Variants in XYLB observed in about 807,000 individuals in gnomAD.
XYLB encodes xylulose kinase.
XYLB carries 62 observed loss-of-function variants against 78.7 expected under a neutral mutation model. The ratio of observed to expected loss-of-function variants is 0.79; its 90% confidence interval spans 0.64 to 0.97. The LOEUF (loss-of-function observed/expected upper bound fraction) is 0.97, where lower values mean the gene tolerates loss of function less well. XYLB is among the 50% of genes least tolerant of loss of function. The probability of loss-of-function intolerance (pLI) is 0.00; values close to 1 mark genes in which losing one functional copy is unlikely to be tolerated. For missense variants in XYLB, 687 were observed against 676.8 expected (o/e 1.02, Z -0.17); for synonymous variants, 245 against 247.4 (o/e 0.99, Z 0.09).
At chr3:38,387,928 T>A (rs1203115294) in intron 15 of XYLB, among the ~76,000 whole-genome samples, 1 of 152,138 alleles carries the variant, frequency 6.6e-6, no homozygotes, top group Non-Finnish European at 1.5e-5. Context: ...CATCTCAGAG[T>A]CTGCTTTTAT....
chr3:38,397,559 C>G (rs1707927933), intron 17 of XYLB, among the ~76,000 whole-genome samples: 1 of 152,104 alleles, frequency 6.6e-6, no homozygotes, highest in Admixed American at 6.5e-5. Context: ...GCTTCAGGCC[C>G]AAGCAGTCCA....
At chr3:38,389,260 G>GGTA in intron 15 of XYLB, among the ~76,000 whole-genome samples, 1 of 146,194 alleles carries the variant, frequency 6.8e-6, no homozygotes, top group Middle Eastern at 3.4e-3. Flanking sequence ...CAGGGTTGGG[G>GGTA]GTAAGGTCAT....
At position 38,376,250 on chromosome 3, in the gene XYLB, GC is replaced by G; in HGVS notation, c.1120+21del. ...AAACCTGGGTAGGCCAGTTGGTGGTGCCCAGGCCTGTGAAGGGTCAGCAGCT... is the reference window on the plus strand; with the variant it reads ...AAACCTGGGTAGGCCAGTTGGTGGTGCCAGGCCTGTGAAGGGTCAGCAGCT... On this transcript the variant is annotated intron_variant, in intron 13 of 18. Transcript: ENST00000207870. The G allele has an allele frequency of 6.4e-7, 1 of 1,564,478 alleles. No individual in the cohort carries two copies. The highest frequency in any genetic ancestry group is 8.8e-7 in the Non-Finnish European group (1 of 1,134,968).
intron 2 of XYLB, among the ~76,000 whole-genome samples, chr3:38,359,377 A>G (rs1210167056): frequency 6.6e-6 from 1 of 152,254 alleles, no homozygotes; most frequent in African/African-American, 2.4e-5. Flanking sequence ...TGTCATAGCC[A>G]TCGGGAACAT....
the XYLB span, among the ~76,000 whole-genome samples, chr3:38,432,400 C>T: frequency 6.6e-6 from 1 of 152,192 alleles, no homozygotes; most frequent in East Asian, 1.9e-4. Context: ...AATCCCATCT[C>T]TACTAAAAAT....
At chr3:38,388,176 T>TTTG (rs1707475745) in intron 15 of XYLB, among the ~76,000 whole-genome samples, 1 of 141,296 alleles carries the variant, frequency 7.1e-6, no homozygotes, top group Admixed American at 7.1e-5. Flanking sequence ...TTTGTTTTTT[T>TTTG]TTTTTTTTTT....
the XYLB span, among the ~76,000 whole-genome samples, chr3:38,428,789 C>G: frequency 6.6e-6 from 1 of 152,142 alleles, no homozygotes; most frequent in Admixed American, 6.5e-5. Flanking sequence ...CCACATCTTA[C>G]TATTTGTTTT....
At chr3:38,352,582 G>C (rs370512943) in intron 2 of XYLB, among the ~76,000 whole-genome samples, 1 of 152,308 alleles carries the variant, frequency 6.6e-6, no homozygotes, top group African/African-American at 2.4e-5. Context: ...TGAAGCGGGT[G>C]GATTGCTTGA....
chr3:38,374,640 T>G, intron 11 of XYLB, 138 bp downstream of exon 11: 1 of 1,022,600 alleles, frequency 9.8e-7, no homozygotes, highest in Non-Finnish European at 1.5e-6. Context: ...CTGCTACTTA[T>G]CAGAGTGTCT....
downstream of XYLB, among the ~76,000 whole-genome samples, chr3:38,417,984 G>T (rs1708853559): frequency 1.3e-5 from 2 of 151,516 alleles, no homozygotes; most frequent in Admixed American, 1.3e-4. Context: ...CTGAGGTCAG[G>T]AGTTCAAGAT....
chr3:38,418,574 C>T (rs569773087), downstream of XYLB, among the ~76,000 whole-genome samples: 1 of 152,200 alleles, frequency 6.6e-6, no homozygotes, highest in Admixed American at 6.5e-5. Context: ...TAATATACGA[C>T]AGATTGAATA....
chr3:38,439,547 G>A, the XYLB span, among the ~76,000 whole-genome samples: 1 of 152,182 alleles, frequency 6.6e-6, no homozygotes, highest in African/African-American at 2.4e-5. Flanking sequence ...CAGATCACAA[G>A]GTCAGGAGAT....
chr3:38,426,610 T>G, the XYLB span, among the ~76,000 whole-genome samples: 14 of 152,192 alleles, frequency 9.2e-5, no homozygotes, highest in African/African-American at 2.7e-4. Flanking sequence ...TTAATTGGTG[T>G]TGTTTGTCTT....
At chr3:38,377,280 G>C (rs1377675113) in intron 14 of XYLB, among the ~76,000 whole-genome samples, 1 of 151,890 alleles carries the variant, frequency 6.6e-6, no homozygotes, top group Admixed American at 6.6e-5. Flanking sequence ...TATTTCCTTG[G>C]CGAGTTTTAT....
At position 38,348,689 on chromosome 3, in the gene XYLB, G is replaced by A. The variant is rs138948142; in HGVS notation, c.140+57G>A. ...GGGGTGTTGGTTTTGGGGTCCTCCCGCAAACTTTTGTATTCGCAGACCGCA... is the reference window on the plus strand; with the variant it reads ...GGGGTGTTGGTTTTGGGGTCCTCCCACAAACTTTTGTATTCGCAGACCGCA... On this transcript the variant is annotated intron_variant, in intron 2 of 18. Coordinates refer to ENST00000207870, the MANE Select transcript of XYLB (RefSeq NM_005108.4). The A allele has an allele frequency of 2.4e-3, 3,696 of 1,535,060 alleles. 8 individuals are homozygous for A. The highest frequency in any genetic ancestry group is 3.0e-3 in the Non-Finnish European group (3,328 of 1,109,138).
At chr3:38,445,259 G>T in the XYLB span, among the ~76,000 whole-genome samples, 10 of 152,148 alleles carry the variant, frequency 6.6e-5, no homozygotes, top group Non-Finnish European at 1.5e-4. Flanking sequence ...TATAGCCTTT[G>T]TTAGGCCTGC....
At chr3:38,399,351 C>G (rs555061150) in intron 17 of XYLB, among the ~76,000 whole-genome samples, 59 of 152,158 alleles carry the variant, frequency 3.9e-4, no homozygotes, top group African/African-American at 1.4e-3. Context: ...ACCCACTTCA[C>G]CCTCCCAAAG....
intron 2 of XYLB, chr3:38,355,762 T>TTCC: frequency 1.4e-6 from 1 of 703,628 alleles, no homozygotes; most frequent in Non-Finnish European, 2.6e-6. Flanking sequence ...GAAGCACATG[T>TTCC]GGAACATGAC....
chr3:38,425,126 T>C (rs1709074910), downstream of XYLB, among the ~76,000 whole-genome samples: 3 of 152,262 alleles, frequency 2.0e-5, no homozygotes. Flanking sequence ...TCACACATGT[T>C]CCCTCGTTTG....
Sources: allele counts gnomAD v4.1 joint callset (sites outside exome capture counted in the v4.1 genomes callset), GRCh38; gene constraint gnomAD v4.1.1; transcripts MANE v1.5; gene names NCBI Gene and HGNC (gene_info 2026-07-23, HGNC 2026-07-21).